Variants in KDM4C observed in about 807,000 individuals in gnomAD.
KDM4C encodes lysine demethylase 4C.
In KDM4C, 81 loss-of-function variants were observed where a neutral mutation model predicts 129.3. That is an observed-to-expected ratio of 0.63 (90% CI 0.52 to 0.75). The LOEUF (loss-of-function observed/expected upper bound fraction) is 0.75, where lower values mean the gene tolerates loss of function less well. Ranked by LOEUF, KDM4C falls within the 30% of genes least tolerant of loss-of-function variation. KDM4C has a pLI of 0.00. For synonymous variants in KDM4C, 573 were observed against 456.1 expected, an observed-to-expected ratio of 1.26 and a Z score of -3.26; for missense variants, 1,457 against 1,304.0, an observed-to-expected ratio of 1.12 and a Z score of -1.81.
At chr9:6,934,586 C>G (rs1336253687) in intron 8 of KDM4C, among the ~76,000 whole-genome samples, 1 of 151,444 alleles carries the variant, frequency 6.6e-6, no homozygotes, top group African/African-American at 2.4e-5. Context: ...GCCTCAGCCT[C>G]CTGAGTAGCT....
chr9:6,937,485 T>C (rs1049928440), intron 8 of KDM4C, among the ~76,000 whole-genome samples: 6 of 152,120 alleles, frequency 3.9e-5, no homozygotes, highest in African/African-American at 1.2e-4. Context: ...ATGTGTAATA[T>C]AGTAGGGTAT....
intron 17 of KDM4C, among the ~76,000 whole-genome samples, chr9:7,079,508 G>C (rs757539557): frequency 2.6e-5 from 4 of 152,162 alleles, no homozygotes; most frequent in Middle Eastern, 3.2e-3. Flanking sequence ...TTTTAGTGGA[G>C]ACAGTGTTTC....
At chr9:6,840,802 G>T (rs1317130173) in intron 4 of KDM4C, among the ~76,000 whole-genome samples, 1 of 152,194 alleles carries the variant, frequency 6.6e-6, no homozygotes, top group Non-Finnish European at 1.5e-5. Flanking sequence ...CTAGCATGGG[G>T]GTTATCCCAC....
rs567950745 is a variant in KDM4C, at chr9:6,807,683, C to G, written c.320+1909C>G. Among the ~76,000 whole-genome samples, 79 of 146,902 alleles carry G rather than the reference C, an allele frequency of 5.4e-4. No individual in the cohort carries two copies. The Middle Eastern group carries it at 0.019, about 34-fold the overall frequency. On this transcript the variant is annotated intron_variant, in intron 3 of 21. Coordinates refer to ENST00000381309, the MANE Select transcript of KDM4C (RefSeq NM_015061.6). ...CTGAGAAGTGAGGAGCCCATCCGCC[C>G]GGCAGCTGCCCCGTCTGAGAAGTGA... is the stretch of plus-strand genomic sequence containing the variant.
At chr9:7,103,904 C>G (rs1318257895) in intron 18 of KDM4C, 34 bp downstream of exon 18, 2 of 1,589,618 alleles carry the variant, frequency 1.3e-6, no homozygotes, top group South Asian at 2.2e-5. Flanking sequence ...AGTGCTAAGA[C>G]CGTGTCTGGA....
At chr9:7,134,093 C>T (rs950028824) in intron 19 of KDM4C, among the ~76,000 whole-genome samples, 6 of 152,212 alleles carry the variant, frequency 3.9e-5, no homozygotes, top group African/African-American at 1.4e-4. Context: ...CCAGGAAGTT[C>T]TGGTTCTTTT....
At chr9:7,040,323 T>TTCCC (rs1223998041) in intron 15 of KDM4C, among the ~76,000 whole-genome samples, 11 of 149,926 alleles carry the variant, frequency 7.3e-5, no homozygotes, top group African/African-American at 2.7e-4. Flanking sequence ...CTGTCTCTCT[T>TTCCC]TCCCTCCCTC....
At chr9:6,841,090 A>G (rs1836834879) in intron 4 of KDM4C, among the ~76,000 whole-genome samples, 1 of 152,182 alleles carries the variant, frequency 6.6e-6, no homozygotes, top group South Asian at 2.1e-4. Context: ...AATCTTTAAC[A>G]GGTTCTTTCA....
intron 17 of KDM4C, among the ~76,000 whole-genome samples, chr9:7,067,407 A>G (rs1451099107): frequency 6.6e-6 from 1 of 152,232 alleles, no homozygotes; most frequent in African/African-American, 2.4e-5. Context: ...TGGGGAAAGC[A>G]AACGAGCAAG....
intron 6 of KDM4C, among the ~76,000 whole-genome samples, chr9:6,887,025 T>G (rs1386720208): frequency 1.3e-5 from 2 of 152,240 alleles, no homozygotes; most frequent in African/African-American, 4.8e-5. Flanking sequence ...TCAGACAGCA[T>G]CTACGCCTCA....
intron 8 of KDM4C, among the ~76,000 whole-genome samples, chr9:6,964,232 C>T (rs761400859): frequency 2.7e-5 from 4 of 146,558 alleles, no homozygotes; most frequent in Admixed American, 6.8e-5. Context: ...ATTGCTATCC[C>T]TCCCCCCTCC....
chr9:6,834,920 G>C, intron 4 of KDM4C: 2 of 1,170,596 alleles, frequency 1.7e-6, no homozygotes, highest in Non-Finnish European at 2.6e-6. Flanking sequence ...GATGGACTCC[G>C]GTGACGGGGT....
At chr9:6,875,176 G>A (rs758221262) in intron 5 of KDM4C, among the ~76,000 whole-genome samples, 2 of 152,096 alleles carry the variant, frequency 1.3e-5, no homozygotes, top group African/African-American at 2.4e-5. Flanking sequence ...CAGGAATATG[G>A]TTTATCATTT....
intron 8 of KDM4C, among the ~76,000 whole-genome samples, chr9:6,895,424 C>T (rs1324799994): frequency 6.6e-6 from 1 of 152,208 alleles, no homozygotes; most frequent in Non-Finnish European, 1.5e-5. Flanking sequence ...CTAGAAGCCT[C>T]TCTCTAGTCC....
At chr9:6,981,867 G>C in intron 9 of KDM4C, 1 of 276,710 alleles carries the variant, frequency 3.6e-6, no homozygotes, top group South Asian at 3.6e-5. Context: ...TTTGTGCATT[G>C]GAGGAAATTT....
intron 4 of KDM4C, chr9:6,834,688 C>T: frequency 2.4e-6 from 2 of 845,518 alleles, no homozygotes; most frequent in South Asian, 2.6e-5. Context: ...TCATTACCAA[C>T]TGGGACAACA....
rs192677254 is a variant in KDM4C, at chr9:6,808,503, G to T, written c.320+2729G>T. On this transcript the variant is annotated intron_variant, in intron 3 of 21. Coordinates refer to ENST00000381309, the MANE Select transcript of KDM4C (RefSeq NM_015061.6). The stretch of plus-strand genomic sequence containing the variant: ...ACAGATGCTTGAAGGCAGCATGCTC[G>T]TTAAGAGTCATTACCAATCCCTAAT... Among the ~76,000 whole-genome samples, 875 of 144,066 alleles carry T rather than the reference G, an allele frequency of 6.1e-3. 8 individuals carry two copies. Among genetic ancestry groups the T allele is most frequent in the African/African-American group, 0.022 (827 of 37,032 alleles). The allele number at this position is 144,066 out of a possible 152,430, so 94.5% of individuals were successfully genotyped here.
Position 6,759,820 on chromosome 9 carries a change from G to A in KDM4C, c.-18+1617G>A, listed in dbSNP as rs182072401. On this transcript the variant is annotated intron_variant, in intron 1 of 21. Transcript: ENST00000381309. ...ATTCAAAAATTAGCCAGGCATGGTG[G>A]CAGGCGCCTGTAATCCCAGCTGAGG... 5.5e-3 allele frequency among the ~76,000 whole-genome samples: 838 copies of A among 151,798 alleles called. 4 individuals carry two copies. The highest frequency in any genetic ancestry group is 0.019 in the African/African-American group (768 of 41,388).
At position 7,103,664 on chromosome 9, in the gene KDM4C, TTC is replaced by T. The variant is rs1162783823; in HGVS notation, c.2425-17_2425-16del. 6.2e-7 allele frequency: 1 copy of T among 1,600,166 alleles called. No individual in the cohort carries two copies. The highest frequency in any genetic ancestry group is 1.7e-5 in the Admixed American group (1 of 59,916). On this transcript the variant is annotated intron_variant, in intron 17 of 21. Transcript: ENST00000381309. ...GGTTACAGAATGTGAATTGATGTTC[TTC>T]TCTGTTTTAACCTTCCAGAAATGCA... is the stretch of plus-strand genomic sequence containing the variant.
Sources: gnomAD v4.1 joint callset for allele counts (sites outside exome capture counted in the v4.1 genomes callset) on GRCh38, gnomAD v4.1.1 for gene constraint, MANE v1.5 for transcripts, NCBI Gene and HGNC (gene_info 2026-07-23, HGNC 2026-07-21) for gene names.